CAMSAP1: variants seen among roughly 807,000 people sequenced by gnomAD.
The protein encoded by CAMSAP1 is calmodulin regulated spectrin associated protein 1.
Under a neutral mutation model 143.5 loss-of-function variants are expected in CAMSAP1, and 58 were observed. The observed-to-expected ratio is 0.40, with a 90% CI of 0.33 to 0.50. The LOEUF (loss-of-function observed/expected upper bound fraction) is 0.50. CAMSAP1 is among the 20% of genes least tolerant of loss of function. CAMSAP1 has a pLI of 0.45. For synonymous variants in CAMSAP1, 945 were observed against 859.3 expected, an observed-to-expected ratio of 1.10 and a Z score of -1.74; for missense variants, 1,969 against 2,115.7, an observed-to-expected ratio of 0.93 and a Z score of 1.36.
chr9:135,840,242 A>G (rs531463149), intron 7 of CAMSAP1, among the ~76,000 whole-genome samples: 12 of 152,074 alleles, frequency 7.9e-5, no homozygotes, highest in African/African-American at 2.7e-4. Flanking sequence ...CCCACATAAT[A>G]CTGTATCAGA....
intron 1 of CAMSAP1, among the ~76,000 whole-genome samples, chr9:135,888,002 G>A (rs1425134674): frequency 1.3e-5 from 2 of 152,216 alleles, no homozygotes; most frequent in Non-Finnish European, 1.5e-5. Flanking sequence ...TGCAGTGGAA[G>A]TGAGGTCAAC....
chr9:135,875,899 CA>C (rs1444473951), intron 3 of CAMSAP1, among the ~76,000 whole-genome samples: 2 of 152,160 alleles, frequency 1.3e-5, no homozygotes, highest in African/African-American at 2.4e-5. Flanking sequence ...CTATAAGACA[CA>C]AAAGGACAAA....
intron 1 of CAMSAP1, among the ~76,000 whole-genome samples, chr9:135,884,818 C>T (rs1029205436): frequency 1.6e-4 from 24 of 152,298 alleles, no homozygotes; most frequent in African/African-American, 5.3e-4. Context: ...CCGCACACGC[C>T]GGAGTGAGAC....
At chr9:135,871,051 C>T (rs1837555961) in intron 3 of CAMSAP1, among the ~76,000 whole-genome samples, 1 of 152,140 alleles carries the variant, frequency 6.6e-6, no homozygotes, top group African/African-American at 2.4e-5. Context: ...TACATGAAGC[C>T]AGATTTTGTT....
At position 135,811,344 on chromosome 9, in the gene CAMSAP1, G is replaced by A. The variant is rs770012511; in HGVS notation, c.4774C>T (p.Pro1592Ser). Residue 1592 changes from proline (P) to serine (S), a missense_variant, in exon 17 of 17, where the codon CCT becomes TCT. Pro to Ser is a moderately conservative substitution (Grantham distance 74). Around this residue, in one of 4 missense-constraint regions of CAMSAP1, gnomAD observed 143 missense variants for 200.6 expected, o/e 0.71. Transcript: ENST00000389532. The surrounding 1 kb of genome is among the most constrained non-coding windows in gnomAD (Gnocchi z 4.9). ...GTCTGGGCCTTCTTTGGCACTGCAG[G>A]CCGCTTGGGCTGCCACAGGTGGTTG... ...IHNHLWQPKRPAVPKKAQTRK is the reference protein window; with the variant it reads ...IHNHLWQPKRSAVPKKAQTRK 4.3e-6 allele frequency: 7 copies of A among 1,613,046 alleles called. No individual in the cohort carries two copies. In the South Asian group the frequency reaches 6.6e-5, roughly 15 times the overall value.
intron 1 of CAMSAP1, 90 bp from the exon 2 acceptor site, chr9:135,883,168 T>C: frequency 7.1e-7 from 1 of 1,413,086 alleles, no homozygotes; most frequent in Non-Finnish European, 9.6e-7. Flanking sequence ...ACTGTGCCAC[T>C]GTACTCCAGC....
chr9:135,896,152 C>G (rs1200289307), intron 1 of CAMSAP1, among the ~76,000 whole-genome samples: 1 of 152,104 alleles, frequency 6.6e-6, no homozygotes. Context: ...TCATTACATG[C>G]TCTTTACAAG....
chr9:135,869,089 T>C (rs556851604), intron 3 of CAMSAP1, among the ~76,000 whole-genome samples: 1 of 152,182 alleles, frequency 6.6e-6, no homozygotes, highest in African/African-American at 2.4e-5. Context: ...AAATGGTTAC[T>C]ATATAGTAAT....
rs1442056228 is a variant in CAMSAP1, at chr9:135,882,759, C to G, written c.423+57G>C. On this transcript the variant is annotated intron_variant, in intron 2 of 16. Transcript: ENST00000389532. The surrounding 1 kb of genome is among the most constrained non-coding windows in gnomAD (Gnocchi z 4.9). ...CCATCCATGCACCAGGTGCGCCACA[C>G]GAGAGCCCACGGCTCCAGAGGATGG... 7.3e-6 allele frequency: 11 copies of G among 1,514,580 alleles called. No individual in the cohort carries two copies. The highest frequency in any genetic ancestry group is 9.7e-6 in the Non-Finnish European group (11 of 1,130,734). 93.8% of individuals were successfully genotyped at this position (1,514,580 alleles called of 1,614,324 possible).
chr9:135,828,066 G>A (rs925699415), intron 7 of CAMSAP1, among the ~76,000 whole-genome samples: 1 of 152,250 alleles, frequency 6.6e-6, no homozygotes, highest in African/African-American at 2.4e-5. Flanking sequence ...CCCAGCATGT[G>A]GGCAGCTGCT....
intron 1 of CAMSAP1, among the ~76,000 whole-genome samples, chr9:135,892,954 A>G (rs1838334447): frequency 6.6e-6 from 1 of 151,544 alleles, no homozygotes; most frequent in African/African-American, 2.4e-5. Context: ...GGATCATTTG[A>G]GTTCAGCAGT....
intron 1 of CAMSAP1, among the ~76,000 whole-genome samples, chr9:135,898,808 T>C (rs1416545676): frequency 6.6e-6 from 1 of 152,200 alleles, no homozygotes; most frequent in African/African-American, 2.4e-5. Flanking sequence ...GGCACTTTCT[T>C]ACAAAGTTAC....
chr9:135,815,847 G>C, intron 15 of CAMSAP1, 43 bp downstream of exon 15: 6 of 1,505,992 alleles, frequency 4.0e-6, no homozygotes, highest in Non-Finnish European at 5.5e-6. Flanking sequence ...AAAGGCGTAT[G>C]GCCATGCCCA....
chr9:135,815,870 A>C lies in CAMSAP1; in HGVS notation c.4387+20T>G. The C allele has an allele frequency of 6.2e-7, 1 of 1,605,376 alleles. No homozygotes were observed. Among genetic ancestry groups the C allele is most frequent in the Non-Finnish European group, 8.5e-7 (1 of 1,172,706 alleles). ...ATGGCCATGCCCACGATGACCTCTA[A>C]GGAGGGCGAACGCCGTCACCTGTGT... On this transcript the variant is annotated intron_variant, in intron 15 of 16. Coordinates refer to ENST00000389532, the MANE Select transcript of CAMSAP1 (RefSeq NM_015447.4).
rs1564420015 is a variant in CAMSAP1, at chr9:135,821,730, C to T, written c.2931G>A (p.Glu977=). ...TATGTTGCTGAGCAAAGGCCAGGCT[C>T]TCTTTGTCCACATCCTGTGGCTCGT... The part of the protein sequence containing the change: ...LLHEPQDVDK[E]SLAFAQQHKA... Residue 977 remains glutamate (E), a synonymous_variant, in exon 11 of 17, where the codon GAG becomes GAA. Coordinates refer to ENST00000389532, the MANE Select transcript of CAMSAP1 (RefSeq NM_015447.4). The surrounding 1 kb of genome is among the most constrained non-coding windows in gnomAD (Gnocchi z 4.6). 1 of 1,614,056 alleles carries T rather than the reference C, an allele frequency of 6.2e-7. No individual in the cohort carries two copies.
At chr9:135,830,225 T>C (rs1835813722) in intron 7 of CAMSAP1, among the ~76,000 whole-genome samples, 1 of 152,200 alleles carries the variant, frequency 6.6e-6, no homozygotes, top group Admixed American at 6.5e-5. Context: ...CAATAATTAC[T>C]TCAAACAAAA....
chr9:135,814,415 G>T (rs1220091091), intron 16 of CAMSAP1, among the ~76,000 whole-genome samples: 1 of 152,128 alleles, frequency 6.6e-6, no homozygotes, highest in African/African-American at 2.4e-5. Context: ...AGCAACTTAA[G>T]GCCACACACC....
intron 3 of CAMSAP1, among the ~76,000 whole-genome samples, chr9:135,873,950 C>T (rs1837649591): frequency 6.6e-6 from 1 of 152,122 alleles, no homozygotes; most frequent in East Asian, 1.9e-4. Flanking sequence ...CTGCCGAGAG[C>T]ATTGACACAA....
chr9:135,904,237 C>CA (rs1209064544), intron 1 of CAMSAP1, among the ~76,000 whole-genome samples: 2 of 151,828 alleles, frequency 1.3e-5, no homozygotes, highest in East Asian at 3.9e-4. Context: ...CCCATCTCTA[C>CA]AAAAAATACA....
Sources: allele counts gnomAD v4.1 joint callset (sites outside exome capture counted in the v4.1 genomes callset), GRCh38; gene constraint gnomAD v4.1.1; regional missense constraint gnomAD v4.1.1; non-coding constraint Gnocchi (gnomAD v3.1); transcripts MANE v1.5; gene names NCBI Gene and HGNC (gene_info 2026-07-23, HGNC 2026-07-21).